Variants in RTN1 observed in about 807,000 individuals in gnomAD.
RTN1 encodes reticulon 1.
RTN1 carries 25 observed loss-of-function variants against 65.5 expected under a neutral mutation model. The ratio of observed to expected loss-of-function variants is 0.38; its 90% CI spans 0.28 to 0.53. The LOEUF is 0.53. Ranked by LOEUF, RTN1 falls within the 20% of genes least tolerant of loss-of-function variation. RTN1 has a pLI of 0.79. For synonymous variants in RTN1, 471 were observed against 447.6 expected (o/e 1.05, Z -0.66); for missense variants, 983 against 1,025.4 (o/e 0.96, Z 0.57).
intron 1 of RTN1, among the ~76,000 whole-genome samples, chr14:59,788,364 T>C (rs76064234): frequency 3.9e-4 from 60 of 152,336 alleles, no homozygotes; most frequent in African/African-American, 1.4e-3. Context: ...CTGCTTCCGT[T>C]TACCTTGGCC....
At chr14:59,802,594 T>G (rs1169243346) in intron 1 of RTN1, among the ~76,000 whole-genome samples, 1 of 152,206 alleles carries the variant, frequency 6.6e-6, no homozygotes, top group Admixed American at 6.5e-5. Context: ...GAGATGGCAT[T>G]TGGAATTTAG....
At chr14:59,750,159 T>C (rs1352035835) in intron 1 of RTN1, among the ~76,000 whole-genome samples, 30 of 46,102 alleles carry the variant, frequency 6.5e-4, no homozygotes, top group Non-Finnish European at 9.7e-4. Flanking sequence ...TTATAGATAA[T>C]ATATATTATA....
chr14:59,850,772 T>C (rs545843964), intron 1 of RTN1, among the ~76,000 whole-genome samples: 25 of 152,374 alleles, frequency 1.6e-4, no homozygotes, highest in African/African-American at 6.0e-4. Flanking sequence ...GTCCTTACTA[T>C]GTCTCAAACA....
intron 3 of RTN1, among the ~76,000 whole-genome samples, chr14:59,641,169 T>C (rs1882772816): frequency 6.6e-6 from 1 of 152,094 alleles, no homozygotes; most frequent in African/African-American, 2.4e-5. Context: ...AGTTTTGCCA[T>C]GTTACCCAGG....
At chr14:59,653,808 G>A (rs2140201121) in intron 3 of RTN1, among the ~76,000 whole-genome samples, 2 of 152,174 alleles carry the variant, frequency 1.3e-5, no homozygotes, top group Middle Eastern at 3.4e-3. Context: ...AACAATAATA[G>A]TTGAAAACTT....
chr14:59,596,929 A>C, intron 8 of RTN1, 142 bp from the exon 9 acceptor site: 1 of 588,636 alleles, frequency 1.7e-6, no homozygotes, highest in Non-Finnish European at 3.1e-6. Context: ...TACATCTGCA[A>C]ATACTCTTCT....
chr14:59,866,906 A>C (rs192503476), intron 1 of RTN1, among the ~76,000 whole-genome samples: 1 of 152,226 alleles, frequency 6.6e-6, no homozygotes, highest in Admixed American at 6.5e-5. Context: ...TTTTTCCAAT[A>C]CAGCATCACA....
chr14:59,698,287 C>T (rs1884105803), intron 3 of RTN1, among the ~76,000 whole-genome samples: 1 of 152,070 alleles, frequency 6.6e-6, no homozygotes, highest in Non-Finnish European at 1.5e-5. Context: ...AATGGTGATT[C>T]CTTGGTTTCT....
chr14:59,617,740 C>T (rs903830981), intron 3 of RTN1, among the ~76,000 whole-genome samples: 1 of 152,184 alleles, frequency 6.6e-6, no homozygotes, highest in Non-Finnish European at 1.5e-5. Context: ...TTATAGTAGG[C>T]TGTTCACTTA....
intron 1 of RTN1, among the ~76,000 whole-genome samples, chr14:59,766,000 C>T (rs1423069775): frequency 6.6e-6 from 1 of 152,098 alleles, no homozygotes; most frequent in Non-Finnish European, 1.5e-5. Context: ...GAGGCCTAGG[C>T]GGGTGGATCA....
intron 3 of RTN1, among the ~76,000 whole-genome samples, chr14:59,650,411 T>C (rs185799160): frequency 6.6e-6 from 1 of 152,216 alleles, no homozygotes; most frequent in African/African-American, 2.4e-5. Context: ...GAACTTAAAG[T>C]AAAACTAAAA....
intron 1 of RTN1, among the ~76,000 whole-genome samples, chr14:59,796,639 C>T (rs1886444370): frequency 6.6e-6 from 1 of 152,148 alleles, no homozygotes; most frequent in Non-Finnish European, 1.5e-5. Context: ...TAAACTCCTA[C>T]CTCACTTTGG....
chr14:59,729,379 T>A (rs1415759927), intron 2 of RTN1, among the ~76,000 whole-genome samples: 2 of 125,640 alleles, frequency 1.6e-5, no homozygotes, highest in Non-Finnish European at 3.4e-5. Context: ...GATCTATGGG[T>A]TCCCCCCCTT....
At chr14:59,644,409 CAA>C (rs1280476119) in intron 3 of RTN1, among the ~76,000 whole-genome samples, 5 of 152,126 alleles carry the variant, frequency 3.3e-5, no homozygotes, top group African/African-American at 1.2e-4. Flanking sequence ...ACCCTCAGGT[CAA>C]GAGATCACCT....
chr14:59,727,617 A>G lies in RTN1; in HGVS notation c.1067T>C (p.Leu356Pro). 1 of 1,612,358 alleles carries G rather than the reference A, an allele frequency of 6.2e-7. No homozygotes were observed. The highest frequency in any genetic ancestry group is 8.5e-7 in the Non-Finnish European group (1 of 1,179,520). The change falls in exon 3 of 9, where the codon CTG (leucine) becomes CCG (proline). Residue 356 changes from leucine to proline, a missense_variant. Leu to Pro is a moderately conservative substitution (Grantham distance 98). This residue lies in a region of RTN1 where 818 missense variants were observed against 801.8 expected (regional missense o/e 1.02). Coordinates refer to ENST00000267484, the MANE Select transcript of RTN1 (RefSeq NM_021136.3). This position sits in a 1 kb window ranked among gnomAD's most constrained non-coding sequence, Gnocchi z 4.2. ...CTTTGCTTCTTTGATGGCGGTGATC[A>G]GCTCATCCTCGGAGATGCTGCCTTT... ...QGKGSISEDE[L>P]ITAIKEAKGL...
At chr14:59,618,954 A>T (rs369729503) in intron 3 of RTN1, among the ~76,000 whole-genome samples, 110 of 152,356 alleles carry the variant, frequency 7.2e-4, no homozygotes, top group African/African-American at 2.6e-3. Flanking sequence ...AATATTGAAC[A>T]ATCTTTTGAC....
intron 1 of RTN1, among the ~76,000 whole-genome samples, chr14:59,854,009 C>T (rs1473221436): frequency 6.6e-6 from 1 of 151,854 alleles, no homozygotes; most frequent in East Asian, 1.9e-4. Flanking sequence ...GGACTATAGG[C>T]ATGAGCCACC....
chr14:59,788,099 C>A (rs1202939032), intron 1 of RTN1, among the ~76,000 whole-genome samples: 1 of 152,060 alleles, frequency 6.6e-6, no homozygotes, highest in East Asian at 1.9e-4. Flanking sequence ...TATGAATGTA[C>A]TTTGATTTTT....
At chr14:59,802,026 T>C (rs1008725759) in intron 1 of RTN1, among the ~76,000 whole-genome samples, 1 of 152,188 alleles carries the variant, frequency 6.6e-6, no homozygotes, top group Admixed American at 6.5e-5. Flanking sequence ...CTCATCTCAG[T>C]TGTGTTCCAT....
Sources: allele counts gnomAD v4.1 joint callset (sites outside exome capture counted in the v4.1 genomes callset), GRCh38; gene constraint gnomAD v4.1.1; regional missense constraint gnomAD v4.1.1; non-coding constraint Gnocchi (gnomAD v3.1); transcripts MANE v1.5; gene names NCBI Gene and HGNC (gene_info 2026-07-23, HGNC 2026-07-21).